C9: variants seen among roughly 807,000 people sequenced by gnomAD.
C9 encodes complement C9.
A neutral mutation model predicts 65.4 loss-of-function variants in C9; 63 were observed. The ratio of observed to expected loss-of-function variants is 0.96; its 90% CI spans 0.79 to 1.19. C9 has a LOEUF of 1.19. C9 is among the 50% of genes most tolerant of loss of function. The pLI is 0.00. For synonymous variants in C9, 229 were observed against 227.9 expected, an observed-to-expected ratio of 1.00 and a Z score of -0.04; for missense variants, 744 against 670.1, an observed-to-expected ratio of 1.11 and a Z score of -1.22.
At chr5:39,358,077 C>A (rs1348744298) in intron 1 of C9, among the ~76,000 whole-genome samples, 1 of 152,098 alleles carries the variant, frequency 6.6e-6, no homozygotes, top group Non-Finnish European at 1.5e-5. Flanking sequence ...CAAGATGACC[C>A]CAGCTGCAGC....
At chr5:39,293,051 T>C (rs950125372) in intron 9 of C9, among the ~76,000 whole-genome samples, 1 of 151,674 alleles carries the variant, frequency 6.6e-6, no homozygotes, top group Non-Finnish European at 1.5e-5. Context: ...CAGAAAGGCA[T>C]CTCTGGTGGT....
chr5:39,294,939 C>G (rs998353290), intron 9 of C9, among the ~76,000 whole-genome samples: 4 of 151,808 alleles, frequency 2.6e-5, no homozygotes, highest in Admixed American at 2.0e-4. Flanking sequence ...AACATCACAT[C>G]AGCAAAATTA....
intron 5 of C9, among the ~76,000 whole-genome samples, chr5:39,321,715 C>T (rs1753670000): frequency 1.3e-5 from 2 of 152,018 alleles, no homozygotes; most frequent in South Asian, 4.1e-4. Context: ...GATAGCTAAA[C>T]ATACCAGATA....
At chr5:39,346,609 C>G (rs1213583304) in intron 1 of C9, among the ~76,000 whole-genome samples, 1 of 152,184 alleles carries the variant, frequency 6.6e-6, no homozygotes, top group African/African-American at 2.4e-5. Flanking sequence ...GGAGCTGCTA[C>G]CACTCTTTCT....
intron 7 of C9, among the ~76,000 whole-genome samples, chr5:39,308,783 T>C (rs1440229702): frequency 1.3e-5 from 2 of 152,168 alleles, no homozygotes; most frequent in Admixed American, 1.3e-4. Context: ...ATTGTCCTCA[T>C]TGTACAGATG....
chr5:39,322,736 G>A (rs10060617), intron 5 of C9, among the ~76,000 whole-genome samples: 4,482 of 152,126 alleles, frequency 0.029, 200 homozygotes, highest in African/African-American at 0.099. Flanking sequence ...GGCCTGCAAT[G>A]GTTGCATTTG....
intron 4 of C9, among the ~76,000 whole-genome samples, chr5:39,337,601 T>A (rs1264734792): frequency 6.6e-6 from 1 of 152,270 alleles, no homozygotes; most frequent in South Asian, 2.1e-4. Context: ...ATTTACCAGG[T>A]GAACTGAAGA....
At chr5:39,344,350 A>G (rs1579873817) in intron 1 of C9, among the ~76,000 whole-genome samples, 1 of 152,234 alleles carries the variant, frequency 6.6e-6, no homozygotes, top group South Asian at 2.1e-4. Context: ...GCTGAAAACC[A>G]TGGCACGAGA....
At chr5:39,350,547 C>T (rs554275509) in intron 1 of C9, among the ~76,000 whole-genome samples, 1 of 144,326 alleles carries the variant, frequency 6.9e-6, no homozygotes, top group Admixed American at 6.9e-5. Flanking sequence ...TTAATTACTC[C>T]CAAGGTACAG....
At chr5:39,323,877 C>A (rs986137996) in intron 5 of C9, among the ~76,000 whole-genome samples, 2 of 151,964 alleles carry the variant, frequency 1.3e-5, no homozygotes, top group African/African-American at 4.8e-5. Context: ...AAATTGTCTG[C>A]AGATGATATT....
intron 4 of C9, among the ~76,000 whole-genome samples, chr5:39,337,779 A>G (rs780611165): frequency 9.2e-5 from 14 of 152,270 alleles, no homozygotes; most frequent in Non-Finnish European, 1.5e-4. Context: ...TAAGAGGCTG[A>G]AACATTTGTG....
intron 9 of C9, among the ~76,000 whole-genome samples, chr5:39,296,872 AG>A (rs1209848933): frequency 1.3e-5 from 2 of 151,256 alleles, no homozygotes; most frequent in Non-Finnish European, 3.0e-5. Flanking sequence ...TATATGTGGA[AG>A]CTAAAAAAAA....
At chr5:39,320,272 G>GA (rs1753643659) in intron 5 of C9, among the ~76,000 whole-genome samples, 1 of 151,694 alleles carries the variant, frequency 6.6e-6, no homozygotes, top group South Asian at 2.1e-4. Flanking sequence ...ATGAAATCAG[G>GA]AAAAAAATAC....
chr5:39,296,957 A>G (rs1753195761), intron 9 of C9, among the ~76,000 whole-genome samples: 1 of 151,486 alleles, frequency 6.6e-6, no homozygotes, highest in Non-Finnish European at 1.5e-5. Context: ...AGACAATACA[A>G]TAAAGGCCAT....
rs1168808400 is a variant in C9, at chr5:39,319,870, A to G, written c.616-3841T>C. Among the ~76,000 whole-genome samples the G allele has an allele frequency of 2.0e-5, 3 of 152,112 alleles. No individual in the cohort carries two copies. In the East Asian group the frequency reaches 5.8e-4, roughly 29 times the overall value. The stretch of plus-strand genomic sequence containing the variant: ...GTTGACCTCTATGGATACAGGCACC[A>G]GGCTCATTCCAGCAGACCCAAGCTC... On this transcript the variant is annotated intron_variant, in intron 5 of 10. Transcript: ENST00000263408.
intron 1 of C9, among the ~76,000 whole-genome samples, chr5:39,359,507 C>T (rs867835683): frequency 1.8e-4 from 28 of 151,824 alleles, no homozygotes; most frequent in African/African-American, 6.5e-4. Flanking sequence ...TTTCATACCA[C>T]GAGACCGGAT....
At position 39,341,698 on chromosome 5, in the gene C9, A is replaced by G. The variant is rs1295097046; in HGVS notation, c.186T>C (p.Phe62=). Residue 62 remains phenylalanine, a splice_region_variant and synonymous_variant, in exon 3 of 11, where the codon TTT becomes TTC. Coordinates refer to ENST00000263408, the MANE Select transcript of C9 (RefSeq NM_001737.5). ...SQCDPCLRQM[F]RSRSIEVFGQ... is the part of the protein sequence containing the mutation. The stretch of plus-strand genomic sequence containing the variant: ...CAAAGACCTCAATGCTTCTTGAACG[A>G]AACTGCACAATATCAGTTGGAATGA... The G allele has an allele frequency of 1.2e-6, 2 of 1,614,040 alleles. No homozygotes were observed. Among genetic ancestry groups the G allele is most frequent in the Non-Finnish European group, 1.7e-6 (2 of 1,179,882 alleles).
Position 39,364,406 on chromosome 5 carries a change from G to T in C9, c.59C>A (p.Thr20Lys). 1 of 1,599,992 alleles carries T rather than the reference G, an allele frequency of 6.3e-7. No homozygotes were observed. Among genetic ancestry groups the T allele is most frequent in the Non-Finnish European group, 8.6e-7 (1 of 1,167,254 alleles). Residue 20 changes from threonine to lysine, a missense_variant, in exon 1 of 11, where the codon ACA becomes AAA. Transcript: ENST00000263408. ...GACTCACCTGGTCGTGTACTGTGCT[G>T]TGAGGATGCTTATTTCTAAAATGCA... ...AICILEISIL[T>K]AQYTTSYDPE... is the part of the protein sequence containing the mutation.
intron 5 of C9, among the ~76,000 whole-genome samples, chr5:39,329,972 A>T (rs1263374397): frequency 6.6e-6 from 1 of 152,178 alleles, no homozygotes; most frequent in Non-Finnish European, 1.5e-5. Flanking sequence ...GAATAAGGGG[A>T]TTATCAGCAG....
Sources: gnomAD v4.1 joint callset for allele counts (sites outside exome capture counted in the v4.1 genomes callset) on GRCh38, gnomAD v4.1.1 for gene constraint, MANE v1.5 for transcripts, NCBI Gene and HGNC (gene_info 2026-07-23, HGNC 2026-07-21) for gene names.